Variants in CDH22 observed in about 807,000 individuals in gnomAD.
CDH22 encodes cadherin-22.
CDH22 carries 30 observed loss-of-function variants against 58.4 expected under a neutral mutation model. That is an observed-to-expected ratio of 0.51 (90% confidence interval 0.38 to 0.70). The LOEUF (loss-of-function observed/expected upper bound fraction) is 0.70, where lower values mean the gene tolerates loss of function less well. Ranked by LOEUF, CDH22 falls within the 30% of genes least tolerant of loss-of-function variation. CDH22 has a pLI of 0.00. For missense variants in CDH22, 1,014 were observed against 1,233.9 expected (o/e 0.82, Z 2.67); for synonymous variants, 513 against 558.2 (o/e 0.92, Z 1.14).
intron 10 of CDH22, among the ~76,000 whole-genome samples, chr20:46,185,599 GTC>G (rs1157770969): frequency 6.6e-6 from 1 of 152,158 alleles, no homozygotes; most frequent in African/African-American, 2.4e-5. Flanking sequence ...CTGGCGTGGT[GTC>G]TCATGCCTAT....
Position 46,234,304 on chromosome 20 carries a change from G to A in CDH22, c.550+6659C>T, listed in dbSNP as rs78632611. Among the ~76,000 whole-genome samples the A allele has an allele frequency of 5.0e-3, 765 of 152,330 alleles. 6 individuals are homozygous for A. The highest frequency in any genetic ancestry group is 0.018 in the African/African-American group (734 of 41,576). On this transcript the variant is annotated intron_variant, in intron 3 of 11. Transcript: ENST00000537909. ...TTCCTCAAAGAAAGCTATGGATGCCGAGCCAAGGAACTCAGGTTCTGGTTT... is the reference window on the plus strand; with the variant it reads ...TTCCTCAAAGAAAGCTATGGATGCCAAGCCAAGGAACTCAGGTTCTGGTTT...
chr20:46,270,129 A>G (rs2086479791), intron 1 of CDH22, among the ~76,000 whole-genome samples: 1 of 152,206 alleles, frequency 6.6e-6, no homozygotes, highest in African/African-American at 2.4e-5. Flanking sequence ...AGGAAGGGCT[A>G]TTCAGAGAGC....
intron 5 of CDH22, among the ~76,000 whole-genome samples, chr20:46,215,141 T>C (rs530609490): frequency 4.1e-4 from 62 of 152,342 alleles, no homozygotes; most frequent in African/African-American, 1.4e-3. Flanking sequence ...GTACATCCCA[T>C]GACCCAGCAA....
intron 3 of CDH22, among the ~76,000 whole-genome samples, chr20:46,230,251 T>C (rs2086211064): frequency 6.6e-6 from 1 of 152,184 alleles, no homozygotes; most frequent in Non-Finnish European, 1.5e-5. Flanking sequence ...TCCTGCAGAC[T>C]TCACACCAGC....
rs758198752 is a variant in CDH22 at position 46,251,154 on chromosome 20, G to C, written c.141C>G (p.Pro47=). 6.3e-7 allele frequency: 1 copy of C among 1,591,252 alleles called. No homozygotes were observed. The highest frequency in any genetic ancestry group is 2.4e-5 in the East Asian group (1 of 41,562). ...CCAGCGCGCCGTCCTGCCGAGCTCC[G>C]GGCGCCGACGGCGAGGGTGTGCCCG... is the stretch of plus-strand genomic sequence containing the variant. ...WAAGTPSPSA[P]GARQDGALGA... Residue 47 remains proline (P), a synonymous_variant, in exon 2 of 12, where the codon CCC becomes CCG. Transcript: ENST00000537909. The surrounding 1 kb of genome is among the most constrained non-coding windows in gnomAD (Gnocchi z 6.7).
chr20:46,283,934 G>A (rs1026585914), intron 1 of CDH22, among the ~76,000 whole-genome samples: 2 of 152,164 alleles, frequency 1.3e-5, no homozygotes, highest in African/African-American at 4.8e-5. Flanking sequence ...GCAGATGAAT[G>A]AGTCCTCACA....
At chr20:46,200,212 G>C (rs915257391) in intron 7 of CDH22, among the ~76,000 whole-genome samples, 1 of 151,942 alleles carries the variant, frequency 6.6e-6, no homozygotes, top group African/African-American at 2.4e-5. Flanking sequence ...CTGACCTCGT[G>C]ATCTGCCCGC....
intron 1 of CDH22, among the ~76,000 whole-genome samples, chr20:46,262,645 A>T (rs1396463458): frequency 6.6e-6 from 1 of 152,110 alleles, no homozygotes; most frequent in Non-Finnish European, 1.5e-5. Flanking sequence ...CATTTTTCAG[A>T]TAAGGAAACT....
chr20:46,224,531 T>C (rs1170604054), intron 4 of CDH22, among the ~76,000 whole-genome samples: 1 of 152,236 alleles, frequency 6.6e-6, no homozygotes, highest in East Asian at 1.9e-4. Flanking sequence ...TAGGTGTTTC[T>C]TTCCCTGTTT....
At chr20:46,177,754 T>C (rs2018370000) in intron 11 of CDH22, among the ~76,000 whole-genome samples, 192 bp downstream of exon 11, 1 of 152,018 alleles carries the variant, frequency 6.6e-6, no homozygotes, top group South Asian at 2.1e-4. Context: ...ATCCCTGGAG[T>C]TGGTGGCGGG....
intron 4 of CDH22, among the ~76,000 whole-genome samples, chr20:46,226,367 C>G (rs977517516): frequency 6.6e-6 from 1 of 151,052 alleles, no homozygotes; most frequent in African/African-American, 2.4e-5. Context: ...CTCACTGCAG[C>G]CTCGACCTCC....
At chr20:46,267,792 A>G (rs1236739905) in intron 1 of CDH22, among the ~76,000 whole-genome samples, 6 of 152,278 alleles carry the variant, frequency 3.9e-5, no homozygotes, top group Non-Finnish European at 1.5e-5. Flanking sequence ...CTGCTTTAAA[A>G]CAAAACTCCT....
At chr20:46,289,429 G>A (rs185069196) in intron 1 of CDH22, among the ~76,000 whole-genome samples, 1 of 152,252 alleles carries the variant, frequency 6.6e-6, no homozygotes, top group Non-Finnish European at 1.5e-5. Flanking sequence ...TTTGCTTGAT[G>A]CTGTATTCCC....
intron 8 of CDH22, among the ~76,000 whole-genome samples, chr20:46,190,188 T>C (rs1168254705): frequency 6.6e-6 from 1 of 152,268 alleles, no homozygotes; most frequent in Non-Finnish European, 1.5e-5. Context: ...TGCAGGATTT[T>C]CCAATTCATA....
intron 2 of CDH22, among the ~76,000 whole-genome samples, chr20:46,248,879 T>G (rs1311830261): frequency 1.3e-5 from 2 of 152,216 alleles, no homozygotes; most frequent in African/African-American, 4.8e-5. Context: ...GTTCAACTCT[T>G]GGCCATGCCA....
chr20:46,272,316 T>C (rs1019579943), intron 1 of CDH22, among the ~76,000 whole-genome samples: 3 of 152,134 alleles, frequency 2.0e-5, no homozygotes, highest in African/African-American at 4.8e-5. Context: ...TTGGATGTGT[T>C]ATGTTTGAGA....
At chr20:46,244,502 T>C (rs1413416575) in intron 2 of CDH22, among the ~76,000 whole-genome samples, 1 of 152,252 alleles carries the variant, frequency 6.6e-6, no homozygotes, top group Non-Finnish European at 1.5e-5. Flanking sequence ...GATGGTGCTC[T>C]CATTTATTGA....
At chr20:46,220,245 A>G (rs1436670440) in intron 4 of CDH22, among the ~76,000 whole-genome samples, 1 of 152,040 alleles carries the variant, frequency 6.6e-6, no homozygotes, top group Non-Finnish European at 1.5e-5. Context: ...ACCCAGAAAG[A>G]GACAGTAAGA....
intron 10 of CDH22, among the ~76,000 whole-genome samples, chr20:46,179,447 T>C (rs2085769208): frequency 6.6e-6 from 1 of 152,178 alleles, no homozygotes; most frequent in South Asian, 2.1e-4. Context: ...ATGGATGCTA[T>C]GCAGGAAAAG....
Sources: allele counts gnomAD v4.1 joint callset (sites outside exome capture counted in the v4.1 genomes callset), GRCh38; gene constraint gnomAD v4.1.1; non-coding constraint Gnocchi (gnomAD v3.1); transcripts MANE v1.5; gene names NCBI Gene and HGNC (gene_info 2026-07-23, HGNC 2026-07-21).